Variants in SLC35F4 observed in about 807,000 individuals in gnomAD.
SLC35F4 encodes the protein solute carrier family 35 member F4.
In SLC35F4, 24 loss-of-function variants were observed where a neutral mutation model predicts 44.2. The observed-to-expected ratio is 0.54, with a 90% CI of 0.39 to 0.76. The LOEUF (loss-of-function observed/expected upper bound fraction) is 0.76. Among genes scored for constraint, SLC35F4 ranks in the 30% least tolerant of loss-of-function variants. The pLI is 0.00. For missense variants in SLC35F4, 562 were observed against 586.1 expected, an observed-to-expected ratio of 0.96 and a Z score of 0.42; for synonymous variants, 238 against 223.6, an observed-to-expected ratio of 1.06 and a Z score of -0.57.
intron 1 of SLC35F4, among the ~76,000 whole-genome samples, chr14:57,881,006 G>C (rs1888524372): frequency 6.6e-6 from 1 of 152,116 alleles, no homozygotes; most frequent in South Asian, 2.1e-4. Context: ...GCTAAACCTA[G>C]ATTCAAAGCA....
intron 1 of SLC35F4, among the ~76,000 whole-genome samples, chr14:57,767,585 G>A (rs2077264246): frequency 6.6e-6 from 1 of 151,870 alleles, no homozygotes; most frequent in African/African-American, 2.4e-5. Flanking sequence ...GCTTATATTA[G>A]GAATGCAGAA....
At position 57,865,989 on chromosome 14, in the gene SLC35F4, A is replaced by AGCAGCGGCG. The variant is rs1555398710; in HGVS notation, c.-165_-164insCGCCGCTGC. ...CGGCGCAGCACCGGCTCCGCATCAC[A>AGCAGCGGCG]GCGGCGGCGGCGGCGGCGGCGGCGG... On this transcript the variant is annotated 5_prime_UTR_variant, in exon 1 of 8. Transcript: ENST00000556826. The AGCAGCGGCG allele has an allele frequency of 2.1e-5, 8 of 373,220 alleles. No homozygotes were observed. The East Asian group carries it at 3.8e-4, about 18-fold the overall frequency. The allele number at this position is 373,220 out of a possible 1,614,324, so 23.1% of individuals were successfully genotyped here.
At chr14:57,923,268 C>T (rs1321270617) in intron 1 of SLC35F4, among the ~76,000 whole-genome samples, 3 of 152,176 alleles carry the variant, frequency 2.0e-5, no homozygotes, top group African/African-American at 7.2e-5. Context: ...TACCAATATT[C>T]AGTCATTTTT....
intron 1 of SLC35F4, among the ~76,000 whole-genome samples, chr14:57,634,090 G>T (rs1274034959): frequency 2.0e-5 from 3 of 152,124 alleles, no homozygotes; most frequent in Non-Finnish European, 4.4e-5. Flanking sequence ...CAAGAATTTA[G>T]CAGCAACAAC....
At chr14:57,861,996 T>C (rs1290954793) in intron 1 of SLC35F4, among the ~76,000 whole-genome samples, 1 of 152,228 alleles carries the variant, frequency 6.6e-6, no homozygotes, top group Non-Finnish European at 1.5e-5. Flanking sequence ...ACATCTACTC[T>C]GAACTCTAAG....
chr14:57,948,757 A>G (rs765546143), intron 1 of SLC35F4, among the ~76,000 whole-genome samples: 1 of 152,150 alleles, frequency 6.6e-6, no homozygotes, highest in East Asian at 1.9e-4. Context: ...CGGTTCAAAT[A>G]ATGTTTTAAT....
chr14:57,830,128 T>C (rs1341179582), intron 1 of SLC35F4, among the ~76,000 whole-genome samples: 2 of 152,202 alleles, frequency 1.3e-5, no homozygotes, highest in African/African-American at 4.8e-5. Context: ...AAAAAAGTAA[T>C]GGAAGTAAAA....
intron 1 of SLC35F4, among the ~76,000 whole-genome samples, chr14:57,773,492 C>T (rs2077416786): frequency 6.6e-6 from 1 of 152,120 alleles, no homozygotes; most frequent in South Asian, 2.1e-4. Flanking sequence ...GGTCTGTCAC[C>T]AAGGTCTGTG....
intron 1 of SLC35F4, among the ~76,000 whole-genome samples, chr14:57,797,358 T>C (rs1239731636): frequency 6.6e-6 from 1 of 152,164 alleles, no homozygotes; most frequent in Non-Finnish European, 1.5e-5. Flanking sequence ...TCCTGGGAAG[T>C]AGCATTGGGA....
At chr14:57,709,606 G>A (rs1048454267) in intron 1 of SLC35F4, among the ~76,000 whole-genome samples, 21 of 152,084 alleles carry the variant, frequency 1.4e-4, no homozygotes, top group Non-Finnish European at 2.2e-4. Context: ...GTGGCTTGCC[G>A]CTCACAAAAC....
chr14:57,943,739 C>T (rs1889957570), intron 1 of SLC35F4, among the ~76,000 whole-genome samples: 1 of 152,202 alleles, frequency 6.6e-6, no homozygotes, highest in South Asian at 2.1e-4. Flanking sequence ...ATTCAGTTAA[C>T]CGCCAGTGCT....
intron 1 of SLC35F4, among the ~76,000 whole-genome samples, chr14:57,730,132 T>C (rs2076309087): frequency 6.6e-6 from 1 of 152,232 alleles, no homozygotes; most frequent in Non-Finnish European, 1.5e-5. Context: ...TCTTTTGCTC[T>C]CCTCAATGCC....
intron 1 of SLC35F4, among the ~76,000 whole-genome samples, chr14:57,704,204 T>C (rs970818563): frequency 2.0e-5 from 3 of 152,112 alleles, no homozygotes. Context: ...TCCAAAGGGG[T>C]TGGAAGCAAG....
intron 1 of SLC35F4, among the ~76,000 whole-genome samples, chr14:57,721,649 A>C (rs574660307): frequency 6.6e-6 from 1 of 152,320 alleles, no homozygotes; most frequent in South Asian, 2.1e-4. Flanking sequence ...AAATTGGAAA[A>C]GAATGGATGA....
At chr14:57,710,780 A>G (rs979449184) in intron 1 of SLC35F4, among the ~76,000 whole-genome samples, 2 of 152,008 alleles carry the variant, frequency 1.3e-5, no homozygotes, top group South Asian at 2.1e-4. Flanking sequence ...GTTTTGGCCA[A>G]CTTCTCCTGC....
chr14:57,624,922 C>T (rs2072395905), intron 1 of SLC35F4, among the ~76,000 whole-genome samples: 1 of 152,172 alleles, frequency 6.6e-6, no homozygotes, highest in African/African-American at 2.4e-5. Flanking sequence ...TCTCACCACT[C>T]CTATTCAACA....
chr14:57,764,279 C>CACAT (rs774383351), intron 1 of SLC35F4, among the ~76,000 whole-genome samples: 13 of 152,076 alleles, frequency 8.5e-5, no homozygotes, highest in Non-Finnish European at 1.6e-4. Context: ...TCAACTAACA[C>CACAT]ACATACCCTT....
At position 57,572,002 on chromosome 14, in the gene SLC35F4, C is replaced by T. The variant is rs1352521627; in HGVS notation, c.825G>A (p.Met275Ile). 6.2e-7 allele frequency: 1 copy of T among 1,610,338 alleles called. No homozygotes were observed. Among genetic ancestry groups the T allele is most frequent in the Admixed American group, 1.7e-5 (1 of 59,616 alleles). ...FMGVRIVAAI[M>I]AITGIVMMAY... The stretch of plus-strand genomic sequence containing the variant: ...CCATCATGACAATGCCGGTAATTGC[C>T]ATTATTGCAGCAACTATCTGTCAAA... Residue 275 changes from methionine to isoleucine, a missense_variant, in exon 5 of 8, where the codon ATG (methionine) becomes ATA (isoleucine). Physicochemically the swap from Met to Ile is conservative, Grantham distance 10 (BLOSUM62 1). Coordinates refer to ENST00000556826, the MANE Select transcript of SLC35F4 (RefSeq NM_001306087.2).
intron 1 of SLC35F4, among the ~76,000 whole-genome samples, chr14:57,913,827 C>G (rs918711070): frequency 1.3e-5 from 2 of 152,190 alleles, no homozygotes; most frequent in African/African-American, 4.8e-5. Flanking sequence ...TTCTGTCTCT[C>G]TGAAGAACTT....
Sources: allele counts gnomAD v4.1 joint callset (sites outside exome capture counted in the v4.1 genomes callset), GRCh38; gene constraint gnomAD v4.1.1; transcripts MANE v1.5; gene names NCBI Gene and HGNC (gene_info 2026-07-23, HGNC 2026-07-21).